Variants in TMEM132D observed in about 807,000 individuals in gnomAD.
The protein encoded by TMEM132D is transmembrane protein 132D.
Under a neutral mutation model 62.3 loss-of-function variants are expected in TMEM132D, and 21 were observed. The ratio of observed to expected loss-of-function variants is 0.34; its 90% CI spans 0.24 to 0.49. The LOEUF (loss-of-function observed/expected upper bound fraction) is 0.49. Ranked by LOEUF, TMEM132D falls within the 20% of genes least tolerant of loss-of-function variation. The pLI, the probability that TMEM132D is intolerant of heterozygous loss-of-function variation, is 0.99. For missense variants in TMEM132D, 1,346 were observed against 1,402.8 expected, an observed-to-expected ratio of 0.96 and a Z score of 0.65; for synonymous variants, 621 against 575.6, an observed-to-expected ratio of 1.08 and a Z score of -1.13.
rs537999190 is a variant in TMEM132D at position 129,530,988 on chromosome 12, A to AG, written c.1115+70dup. The AG allele has an allele frequency of 1.5e-3, 1,764 of 1,159,302 alleles. 7 individuals are homozygous for AG. In the East Asian group the frequency reaches 0.037, roughly 24 times the overall value. 71.8% of individuals were successfully genotyped at this position (1,159,302 alleles called of 1,614,324 possible). A position where few individuals can be genotyped will look rare whatever the true frequency, so the allele number is the denominator to read the frequency against. Reference sequence around the variant, plus strand: ...CAGTGGAAATGGTTGTTAGCAATCTAGGAAAAAAAAAAAAAAATCAGGCCA... The same window carrying AG: ...CAGTGGAAATGGTTGTTAGCAATCTAGGGAAAAAAAAAAAAAAATCAGGCCA... On this transcript the variant is annotated intron_variant, in intron 3 of 8. Coordinates refer to ENST00000422113, the MANE Select transcript of TMEM132D (RefSeq NM_133448.3).
chr12:129,648,415 T>C (rs1879841104), intron 2 of TMEM132D, among the ~76,000 whole-genome samples: 1 of 152,184 alleles, frequency 6.6e-6, no homozygotes, highest in African/African-American at 2.4e-5. Flanking sequence ...TTGAGGAGAC[T>C]GATTTAAGTA....
intron 3 of TMEM132D, among the ~76,000 whole-genome samples, chr12:129,387,711 GATA>G (rs202042310): frequency 7.0e-5 from 10 of 143,118 alleles, no homozygotes; most frequent in Non-Finnish European, 1.2e-4. Flanking sequence ...CAGCACTGAT[GATA>G]ATATTAACAC....
intron 1 of TMEM132D, among the ~76,000 whole-genome samples, chr12:129,727,300 G>A (rs564681438): frequency 2.6e-5 from 4 of 152,332 alleles, no homozygotes; most frequent in African/African-American, 9.6e-5. Flanking sequence ...TCTCTGTGCT[G>A]TGTCATAACA....
At chr12:129,343,560 A>C (rs576893014) in intron 3 of TMEM132D, among the ~76,000 whole-genome samples, 35 of 151,998 alleles carry the variant, frequency 2.3e-4, no homozygotes, top group Non-Finnish European at 4.7e-4. Context: ...ATGTACCCTA[A>C]AACTTAAAGT....
chr12:129,218,719 TTTTG>T (rs2135572318), intron 4 of TMEM132D, among the ~76,000 whole-genome samples: 1 of 152,340 alleles, frequency 6.6e-6, no homozygotes, highest in Non-Finnish European at 1.5e-5. Context: ...GATGCAAACT[TTTTG>T]TTTCTTTAGC....
chr12:129,650,507 T>A (rs113387709), intron 2 of TMEM132D, among the ~76,000 whole-genome samples: 12 of 152,342 alleles, frequency 7.9e-5, no homozygotes, highest in African/African-American at 2.9e-4. Context: ...GGCAGCTGCA[T>A]CTTCAAATTT....
At chr12:129,227,319 A>ATATATATATATATATATATATATATATG (rs1193510600) in intron 4 of TMEM132D, among the ~76,000 whole-genome samples, 4 of 139,998 alleles carry the variant, frequency 2.9e-5, no homozygotes, top group African/African-American at 8.2e-5. Flanking sequence ...ATATATATAT[A>ATATATATATATATATATATATATATATG]TATATATGGC....
At chr12:129,281,491 G>T (rs1273696780) in intron 4 of TMEM132D, among the ~76,000 whole-genome samples, 2 of 151,692 alleles carry the variant, frequency 1.3e-5, no homozygotes, top group Non-Finnish European at 2.9e-5. Context: ...GCTGCTTGTG[G>T]TTATGTCTTG....
At chr12:129,752,703 G>A (rs1055785902) in intron 1 of TMEM132D, among the ~76,000 whole-genome samples, 23 of 152,190 alleles carry the variant, frequency 1.5e-4, no homozygotes, top group African/African-American at 5.1e-4. Context: ...AAACTTGCGG[G>A]AAAGGACAGG....
intron 5 of TMEM132D, among the ~76,000 whole-genome samples, chr12:129,149,049 A>G (rs1876997816): frequency 6.6e-6 from 1 of 151,974 alleles, no homozygotes; most frequent in African/African-American, 2.4e-5. Context: ...ATGCAGCCAT[A>G]AGAAAGAATG....
chr12:129,160,797 C>T (rs1481643161), intron 5 of TMEM132D, among the ~76,000 whole-genome samples: 1 of 152,176 alleles, frequency 6.6e-6, no homozygotes, highest in Non-Finnish European at 1.5e-5. Context: ...TTGGGGACTA[C>T]TTGAGTATCA....
intron 1 of TMEM132D, among the ~76,000 whole-genome samples, chr12:129,754,410 A>G (rs996710228): frequency 3.3e-5 from 5 of 152,234 alleles, no homozygotes; most frequent in Non-Finnish European, 7.3e-5. Flanking sequence ...AACAACACTC[A>G]GAATCTCATG....
intron 3 of TMEM132D, among the ~76,000 whole-genome samples, chr12:129,447,180 T>A (rs1223397947): frequency 6.6e-6 from 1 of 152,114 alleles, no homozygotes; most frequent in Non-Finnish European, 1.5e-5. Flanking sequence ...TCAATTTGCT[T>A]TTCCAACCAC....
At chr12:129,603,052 G>A (rs1318767028) in intron 2 of TMEM132D, among the ~76,000 whole-genome samples, 2 of 152,128 alleles carry the variant, frequency 1.3e-5, no homozygotes, top group Non-Finnish European at 2.9e-5. Flanking sequence ...CACAACACAT[G>A]GGGATTATGG....
chr12:129,496,502 G>A (rs1261603352), intron 3 of TMEM132D, among the ~76,000 whole-genome samples: 1 of 152,142 alleles, frequency 6.6e-6, no homozygotes, highest in Non-Finnish European at 1.5e-5. Flanking sequence ...AATATTCAAC[G>A]TGGGAAGTGA....
chr12:129,812,093 A>G (rs1251617325), intron 1 of TMEM132D, among the ~76,000 whole-genome samples: 1 of 151,844 alleles, frequency 6.6e-6, no homozygotes, highest in East Asian at 1.9e-4. Context: ...ACACAACAAT[A>G]GAAAACTAAG....
chr12:129,292,827 T>G (rs1442374357), intron 4 of TMEM132D, among the ~76,000 whole-genome samples: 1 of 152,190 alleles, frequency 6.6e-6, no homozygotes, highest in Non-Finnish European at 1.5e-5. Flanking sequence ...TTTCTTGGCT[T>G]TCGATTTCCA....
Position 129,080,474 on chromosome 12 carries a change from A to G in TMEM132D, c.1923+1285T>C, listed in dbSNP as rs142074132. 2.3e-3 allele frequency among the ~76,000 whole-genome samples: 350 copies of G among 152,268 alleles called. 2 individuals are homozygous for G. The highest frequency in any genetic ancestry group is 7.7e-3 in the African/African-American group (319 of 41,548). ...GACTCCTGGTCTACGGCCCAAACCC[A>G]TTTATTTTCCTCCTTGGATAAAATG... On this transcript the variant is annotated intron_variant, in intron 7 of 8. Transcript: ENST00000422113.
chr12:129,195,804 T>C (rs972430910), intron 5 of TMEM132D, among the ~76,000 whole-genome samples: 4 of 152,112 alleles, frequency 2.6e-5, no homozygotes, highest in African/African-American at 7.2e-5. Flanking sequence ...ATCGTGTCCA[T>C]TCAACAACAG....
Sources: gnomAD v4.1 joint callset for allele counts (sites outside exome capture counted in the v4.1 genomes callset) on GRCh38, gnomAD v4.1.1 for gene constraint, MANE v1.5 for transcripts, NCBI Gene and HGNC (gene_info 2026-07-23, HGNC 2026-07-21) for gene names.